TUBGCP3: variants seen among roughly 807,000 people sequenced by gnomAD.
The protein encoded by TUBGCP3 is gamma-tubulin complex component 3.
TUBGCP3 carries 50 observed loss-of-function variants against 123.1 expected under a neutral mutation model. The observed-to-expected ratio is 0.41, with a 90% CI of 0.32 to 0.51. The LOEUF is 0.51. Among genes scored for constraint, TUBGCP3 ranks in the 20% least tolerant of loss-of-function variants. The probability of loss-of-function intolerance (pLI) is 0.36; values close to 1 mark genes in which losing one functional copy is unlikely to be tolerated. For synonymous variants in TUBGCP3, 405 were observed against 413.9 expected, an observed-to-expected ratio of 0.98 and a Z score of 0.26; for missense variants, 882 against 1,127.0, an observed-to-expected ratio of 0.78 and a Z score of 3.11.
At chr13:112,590,078 G>A (rs1037680289), upstream of TUBGCP3, among the ~76,000 whole-genome samples, 1 of 151,454 alleles carries the variant, frequency 6.6e-6, no homozygotes, top group South Asian at 2.1e-4. Flanking sequence ...CTGGGTTCAC[G>A]CAATTCTCCT....
chr13:112,516,702 G>A (rs1876163253), intron 16 of TUBGCP3, 127 bp from the exon 17 acceptor site: 24 of 1,165,008 alleles, frequency 2.1e-5, no homozygotes, highest in Non-Finnish European at 2.8e-5. Context: ...GCTAAGTAAA[G>A]TCACAGTAAC....
intron 18 of TUBGCP3, 100 bp downstream of exon 18, chr13:112,504,526 A>G: frequency 1.2e-6 from 1 of 826,548 alleles, no homozygotes; most frequent in Non-Finnish European, 1.8e-6. Context: ...ATATACACAT[A>G]TATATACACA....
chr13:112,513,424 CA>C (rs1223982655), intron 17 of TUBGCP3, among the ~76,000 whole-genome samples: 1 of 152,224 alleles, frequency 6.6e-6, no homozygotes, highest in East Asian at 1.9e-4. Flanking sequence ...CTCTTGCCCC[CA>C]GCAAAGCACT....
chr13:112,559,278 G>C, intron 4 of TUBGCP3, 44 bp downstream of exon 4: 1 of 1,535,974 alleles, frequency 6.5e-7, no homozygotes, highest in East Asian at 2.3e-5. Context: ...AAGTCAGCCA[G>C]GGTGTCCCGA....
At chr13:112,534,041 G>A (rs533718949) in intron 11 of TUBGCP3, among the ~76,000 whole-genome samples, 1 of 152,236 alleles carries the variant, frequency 6.6e-6, no homozygotes, top group East Asian at 1.9e-4. Flanking sequence ...GAAGGGAGAT[G>A]AGTATGCAGA....
chr13:112,505,577 T>C (rs1881238393), intron 17 of TUBGCP3, among the ~76,000 whole-genome samples: 1 of 152,232 alleles, frequency 6.6e-6, no homozygotes, highest in Admixed American at 6.5e-5. Flanking sequence ...TGGCAATGCA[T>C]ACTTTTTAAA....
chr13:112,558,553 T>A, intron 4 of TUBGCP3, 140 bp from the exon 5 acceptor site: 1 of 733,900 alleles, frequency 1.4e-6, no homozygotes, highest in Non-Finnish European at 2.0e-6. Context: ...AACAATAAAT[T>A]AGATGTTATG....
chr13:112,513,245 T>C (rs1487416762), intron 17 of TUBGCP3, among the ~76,000 whole-genome samples: 4 of 152,236 alleles, frequency 2.6e-5, no homozygotes, highest in Non-Finnish European at 5.9e-5. Flanking sequence ...AAATGTTTTT[T>C]AGATTAATTG....
Position 112,558,285 on chromosome 13 carries a change from G to A in TUBGCP3, c.459C>T (p.Ser153=), listed in dbSNP as rs755356337. 10 of 1,613,318 alleles carry A rather than the reference G, an allele frequency of 6.2e-6. No individual in the cohort carries two copies. The highest frequency in any genetic ancestry group is 8.5e-6 in the Non-Finnish European group (10 of 1,180,044). The change falls in exon 5 of 22, where the codon AGC becomes AGT. Residue 153 remains serine, a synonymous_variant. Coordinates refer to ENST00000261965, the MANE Select transcript of TUBGCP3 (RefSeq NM_006322.6). ...TGCCACTGCTGCCCACGCTGCCGGA[G>A]CTCTGGGCTGACTGGGCACTCCGAT... ...YQDRSAQSAQ[S]SGSVGSSGIS...
At chr13:112,501,903 G>A (rs1039919190) in intron 19 of TUBGCP3, among the ~76,000 whole-genome samples, 2 of 152,204 alleles carry the variant, frequency 1.3e-5, no homozygotes, top group African/African-American at 2.4e-5. Flanking sequence ...AATCATCTAG[G>A]GGCAAAAGCT....
rs1173879092 is a variant in TUBGCP3, at chr13:112,519,741, T to C, written c.1881+145A>G. On this transcript the variant is annotated intron_variant, in intron 15 of 21. Coordinates refer to ENST00000261965, the MANE Select transcript of TUBGCP3 (RefSeq NM_006322.6). The surrounding 1 kb of genome is among the most constrained non-coding windows in gnomAD (Gnocchi z 6.2). ...GACCAGGCAGTAACAAGCCACAGAG[T>C]GGAGTTCCTACTCAGGCTGCCCAGT... 7.5e-6 allele frequency: 8 copies of C among 1,063,892 alleles called. No homozygotes were observed. In the Admixed American group the frequency reaches 2.5e-4, roughly 34 times the overall value. The allele number at this position is 1,063,892 out of a possible 1,614,324, so 65.9% of individuals were successfully genotyped here. A position where few individuals can be genotyped will look rare whatever the true frequency, so the allele number is the denominator to read the frequency against.
Position 112,554,045 on chromosome 13 carries a change from C to T in TUBGCP3, c.966+12G>A, listed in dbSNP as rs1879817981. On this transcript the variant is annotated intron_variant, in intron 8 of 21. Coordinates refer to ENST00000261965, the MANE Select transcript of TUBGCP3 (RefSeq NM_006322.6). Reference sequence around the variant, plus strand: ...GCGCAGCATCCCAGCATCCTAGGAACCATGAACGCACCTGCCCGACGAGTC... The same window carrying T: ...GCGCAGCATCCCAGCATCCTAGGAATCATGAACGCACCTGCCCGACGAGTC... The T allele has an allele frequency of 1.4e-5, 22 of 1,607,918 alleles. No homozygotes were observed. Among genetic ancestry groups the T allele is most frequent in the Non-Finnish European group, 1.8e-5 (21 of 1,178,376 alleles).
Position 112,545,672 on chromosome 13 carries a change from G to A in TUBGCP3, c.1335+27C>T. On this transcript the variant is annotated intron_variant, in intron 11 of 21. Transcript: ENST00000261965. The surrounding 1 kb of genome is among the most constrained non-coding windows in gnomAD (Gnocchi z 4.1). ...GCGTGCCCATGCTTTTTAAATCCAA[G>A]TCTCAGAACCGAACACCGATCCTTA... The A allele has an allele frequency of 6.3e-7, 1 of 1,599,036 alleles. No individual in the cohort carries two copies.
chr13:112,564,211 A>C (rs990726718), intron 3 of TUBGCP3, among the ~76,000 whole-genome samples: 2 of 152,244 alleles, frequency 1.3e-5, no homozygotes, highest in Non-Finnish European at 2.9e-5. Flanking sequence ...AGTGAATCCA[A>C]GTCAAACAAT....
chr13:112,585,428 A>C (rs1882540057), intron 1 of TUBGCP3, among the ~76,000 whole-genome samples: 1 of 152,236 alleles, frequency 6.6e-6, no homozygotes, highest in South Asian at 2.1e-4. Context: ...AGAACATAGC[A>C]AAAAGAGCAT....
chr13:112,499,254 A>G (rs1181140915), intron 19 of TUBGCP3, 69 bp from the exon 20 acceptor site: 1 of 1,510,158 alleles, frequency 6.6e-7, no homozygotes, highest in African/African-American at 1.4e-5. Context: ...AAACATTGAT[A>G]TTTAGTGAAA....
intron 11 of TUBGCP3, among the ~76,000 whole-genome samples, chr13:112,537,150 A>ATTT (rs1566559870): frequency 2.6e-4 from 36 of 137,898 alleles, no homozygotes; most frequent in Non-Finnish European, 1.4e-4. Flanking sequence ...TTTTTTTTTA[A>ATTT]AAAAAAAAAA....
chr13:112,493,191 A>T (rs1594099905), intron 20 of TUBGCP3, among the ~76,000 whole-genome samples: 1 of 136,034 alleles, frequency 7.4e-6, no homozygotes, highest in African/African-American at 2.9e-5. Context: ...TGTCCCTGAG[A>T]CGCTCTAGCT....
chr13:112,556,584 C>G (rs1880065651), intron 5 of TUBGCP3, among the ~76,000 whole-genome samples: 1 of 152,128 alleles, frequency 6.6e-6, no homozygotes, highest in Non-Finnish European at 1.5e-5. Context: ...TTGAAATTCT[C>G]TACTTATTTT....
Sources: gnomAD v4.1 joint callset for allele counts (sites outside exome capture counted in the v4.1 genomes callset) on GRCh38, gnomAD v4.1.1 for gene constraint, Gnocchi (gnomAD v3.1) non-coding constraint, MANE v1.5 for transcripts, NCBI Gene and HGNC (gene_info 2026-07-23, HGNC 2026-07-21) for gene names.